The following JAK2 variants were observed in gnomAD, a reference collection of about 807,000 sequenced individuals.
JAK2 encodes Janus kinase 2.
JAK2 carries 86 observed loss-of-function variants against 139.3 expected under a neutral mutation model. The observed-to-expected ratio is 0.62, with a 90% CI of 0.52 to 0.74. The LOEUF is 0.74. Among genes scored for constraint, JAK2 ranks in the 30% least tolerant of loss-of-function variants. The pLI is 0.00. For synonymous variants in JAK2, 490 were observed against 437.7 expected, an observed-to-expected ratio of 1.12 and a Z score of -1.49; for missense variants, 1,421 against 1,360.3, an observed-to-expected ratio of 1.04 and a Z score of -0.70.
chr9:5,089,591 G>C, intron 19 of JAK2, 83 bp from the exon 20 acceptor site: 1 of 215,654 alleles, frequency 4.6e-6, no homozygotes, highest in East Asian at 1.2e-4. Flanking sequence ...CCAGCTACTA[G>C]AATTTTCTAT....
At chr9:5,015,389 C>T (rs1287706631) in intron 2 of JAK2, among the ~76,000 whole-genome samples, 1 of 152,124 alleles carries the variant, frequency 6.6e-6, no homozygotes, top group African/African-American at 2.4e-5. Flanking sequence ...CATAATAATG[C>T]CAAGATGTTA....
chr9:5,022,664 TTCTTATGTCTTTGGTGTA>T (rs1822505032), intron 3 of JAK2, among the ~76,000 whole-genome samples: 1 of 152,202 alleles, frequency 6.6e-6, no homozygotes, highest in Non-Finnish European at 1.5e-5. Context: ...TCATATATAT[TTCTTATGTCTTTGGTGTA>T]TCTTGAAATC....
At chr9:5,102,962 G>A (rs1017612931) in intron 22 of JAK2, among the ~76,000 whole-genome samples, 21 of 152,096 alleles carry the variant, frequency 1.4e-4, no homozygotes, top group Admixed American at 5.2e-4. Context: ...AAAGACCATC[G>A]ATGATAGGAA....
chr9:5,040,484 T>A (rs1417493007), intron 4 of JAK2, among the ~76,000 whole-genome samples: 1 of 152,190 alleles, frequency 6.6e-6, no homozygotes, highest in African/African-American at 2.4e-5. Flanking sequence ...CATCTGTGTG[T>A]CAAAGCACAC....
chr9:5,058,749 G>A (rs1405351276), intron 8 of JAK2, among the ~76,000 whole-genome samples: 1 of 152,154 alleles, frequency 6.6e-6, no homozygotes, highest in Admixed American at 6.5e-5. Flanking sequence ...GTGTGAAGTA[G>A]TATCTCATTG....
intron 3 of JAK2, among the ~76,000 whole-genome samples, chr9:5,023,176 C>G (rs1822545373): frequency 1.3e-5 from 2 of 152,164 alleles, no homozygotes; most frequent in African/African-American, 4.8e-5. Flanking sequence ...CCCATATAAC[C>G]TTGCCAGTCT....
chr9:5,106,699 C>T (rs1007842839), intron 22 of JAK2, among the ~76,000 whole-genome samples: 4 of 152,028 alleles, frequency 2.6e-5, no homozygotes, highest in Admixed American at 2.0e-4. Context: ...CACAAATATC[C>T]CAAGGAATAC....
chr9:5,070,512 C>T lies in JAK2; in HGVS notation c.1641+460C>T, dbSNP rs565249298. Reference sequence around the variant, plus strand: ...AACCTGTGGATATGAAAAGTTGGCCCTCTATATACATGGGTTTTGCATCCT... The same window carrying T: ...AACCTGTGGATATGAAAAGTTGGCCTTCTATATACATGGGTTTTGCATCCT... On this transcript the variant is annotated intron_variant, in intron 12 of 24. Transcript: ENST00000381652. Among the ~76,000 whole-genome samples, 111 of 152,102 alleles carry T rather than the reference C, an allele frequency of 7.3e-4. 1 individual carries two copies. Among genetic ancestry groups the T allele is most frequent in the African/African-American group, 2.6e-3 (107 of 41,510 alleles).
chr9:5,088,965 C>G (rs1160804738), intron 19 of JAK2, among the ~76,000 whole-genome samples: 3 of 152,202 alleles, frequency 2.0e-5, no homozygotes, highest in South Asian at 4.1e-4. Context: ...TAGCCCATAA[C>G]AGACACATTC....
intron 22 of JAK2, chr9:5,108,589 C>G (rs755884359): frequency 1.3e-5 from 2 of 151,960 alleles, no homozygotes; most frequent in African/African-American, 2.4e-5. Flanking sequence ...CATGTAGAAG[C>G]CCCTATTGCC....
Position 5,077,495 on chromosome 9 carries a change from C to T in JAK2, c.1907C>T (p.Thr636Ile), listed in dbSNP as rs1819381844. Residue 636 changes from threonine to isoleucine, a missense_variant, in exon 15 of 25, where the codon ACA becomes ATA. Physicochemically the swap from Thr to Ile is moderately conservative, Grantham distance 89 (BLOSUM62 -1). Transcript: ENST00000381652. ...QEFVKFGSLD[T>I]YLKKNKNCIN... The stretch of plus-strand genomic sequence containing the variant: ...TTTGTAAAATTTGGATCACTAGATA[C>T]ATATCTGAAAAAGAATAAAAATTGT... The T allele has an allele frequency of 1.4e-6, 2 of 1,395,962 alleles. No individual in the cohort carries two copies. The highest frequency in any genetic ancestry group is 3.0e-5 in the African/African-American group (2 of 66,360). 86.5% of individuals were successfully genotyped at this position (1,395,962 alleles called of 1,614,324 possible). A position where few individuals can be genotyped will look rare whatever the true frequency, so the allele number is the denominator to read the frequency against.
chr9:5,053,113 T>C (rs1460597431), intron 6 of JAK2, among the ~76,000 whole-genome samples: 1 of 152,142 alleles, frequency 6.6e-6, no homozygotes, highest in Non-Finnish European at 1.5e-5. Context: ...ACACTAGCAG[T>C]ACATGAAGAG....
intron 11 of JAK2, among the ~76,000 whole-genome samples, chr9:5,069,459 T>C (rs1365197582): frequency 6.6e-6 from 1 of 152,182 alleles, no homozygotes; most frequent in Non-Finnish European, 1.5e-5. Context: ...ATGTCATTTA[T>C]TGAACTGGAA....
At chr9:5,016,333 C>G (rs936331234) in intron 2 of JAK2, among the ~76,000 whole-genome samples, 1 of 151,998 alleles carries the variant, frequency 6.6e-6, no homozygotes, top group African/African-American at 2.4e-5. Context: ...ATATGGATAG[C>G]CCAGGTAGGC....
At chr9:4,990,254 A>G (rs535785177) in intron 2 of JAK2, among the ~76,000 whole-genome samples, 84 of 152,286 alleles carry the variant, frequency 5.5e-4, no homozygotes, top group Middle Eastern at 3.4e-3. Flanking sequence ...CTAAGTCTAT[A>G]TGTTTTGTAT....
rs186322600 is a variant in JAK2 at position 5,079,785 on chromosome 9, C to T, written c.2132-444C>T. Among the ~76,000 whole-genome samples, 192 of 151,956 alleles carry T rather than the reference C, an allele frequency of 1.3e-3. 2 individuals are homozygous for T. The highest frequency in any genetic ancestry group is 3.0e-3 in the Admixed American group (46 of 15,274). ...AGTGAGCTGCAATCGTGCCATTGCA[C>T]TCTAGCCTGAGTGACACAGTGACAC... On this transcript the variant is annotated intron_variant, in intron 16 of 24. Transcript: ENST00000381652.
intron 4 of JAK2, among the ~76,000 whole-genome samples, chr9:5,039,881 A>G (rs148744891): frequency 0.011 from 1,699 of 152,276 alleles, 23 homozygotes; most frequent in African/African-American, 0.036. Context: ...TAAGATGGCA[A>G]TACTCCTTAA....
rs192759258 is a variant in JAK2, at chr9:5,032,718, A to T, written c.350+2812A>T. Among the ~76,000 whole-genome samples the T allele has an allele frequency of 1.2e-3, 189 of 152,336 alleles. 1 individual carries two copies. The highest frequency in any genetic ancestry group is 4.1e-3 in the African/African-American group (172 of 41,578). On this transcript the variant is annotated intron_variant, in intron 4 of 24. Transcript: ENST00000381652. Reference sequence around the variant, plus strand: ...TCAGAAGGAAAACTAACAAACAGAAATGACATCCACACCAAAACCCCATCT... The same window carrying T: ...TCAGAAGGAAAACTAACAAACAGAATTGACATCCACACCAAAACCCCATCT...
chr9:5,108,253 C>T (rs1822137459), intron 22 of JAK2: 1 of 152,098 alleles, frequency 6.6e-6, no homozygotes, highest in Non-Finnish European at 1.5e-5. Flanking sequence ...GCATTCACAG[C>T]CACAGAACTA....
Sources: gnomAD v4.1 joint callset for allele counts (sites outside exome capture counted in the v4.1 genomes callset) on GRCh38, gnomAD v4.1.1 for gene constraint, MANE v1.5 for transcripts, NCBI Gene and HGNC (gene_info 2026-07-23, HGNC 2026-07-21) for gene names.